Variants in SEMA3D observed in about 807,000 individuals in gnomAD.
SEMA3D encodes semaphorin-3D.
SEMA3D carries 84 observed loss-of-function variants against 100.1 expected under a neutral mutation model. The observed-to-expected ratio is 0.84, with a 90% CI of 0.70 to 1.01. SEMA3D has a LOEUF of 1.01. SEMA3D is among the 50% of genes least tolerant of loss of function. The pLI, the probability that SEMA3D is intolerant of heterozygous loss-of-function variation, is 0.00. For missense variants in SEMA3D, 875 were observed against 934.1 expected, an observed-to-expected ratio of 0.94 and a Z score of 0.82; for synonymous variants, 312 against 320.7, an observed-to-expected ratio of 0.97 and a Z score of 0.29.
the SEMA3D span, among the ~76,000 whole-genome samples, chr7:85,222,977 CA>C: frequency 5.3e-5 from 8 of 151,990 alleles, no homozygotes; most frequent in Non-Finnish European, 1.0e-4. Flanking sequence ...GTAATCCCAT[CA>C]AAAAGTGGGC....
chr7:85,207,336 C>T, the SEMA3D span, among the ~76,000 whole-genome samples: 12 of 152,136 alleles, frequency 7.9e-5, no homozygotes, highest in Admixed American at 2.0e-4. Context: ...TACCAATTTT[C>T]ATACATTGAC....
intron 2 of SEMA3D, among the ~76,000 whole-genome samples, chr7:85,135,305 T>C (rs1789826867): frequency 6.6e-6 from 1 of 152,132 alleles, no homozygotes; most frequent in Non-Finnish European, 1.5e-5. Flanking sequence ...TATTATAGAC[T>C]AGGAGAGTTC....
Position 85,012,685 on chromosome 7 carries a change from C to T in SEMA3D, c.1768+97G>A, listed in dbSNP as rs1197299826. 41 of 894,664 alleles carry T rather than the reference C, an allele frequency of 4.6e-5. 1 individual carries two copies. Among genetic ancestry groups the T allele is most frequent in the South Asian group, 3.5e-4 (23 of 65,902 alleles). 55.4% of individuals were successfully genotyped at this position (894,664 alleles called of 1,614,324 possible). On this transcript the variant is annotated intron_variant, in intron 17 of 18. Coordinates refer to ENST00000284136, the MANE Select transcript of SEMA3D (RefSeq NM_001384900.1). ...ATGCATTACACAAAATGGAGATATT[C>T]TTATATAATAGATGGTTTAAGTCAT...
Position 85,026,731 on chromosome 7 carries a change from T to TA in SEMA3D, c.1192-4119dup, listed in dbSNP as rs372081775. The stretch of plus-strand genomic sequence containing the variant: ...TAATGGGATCAGCATAGTTTACAAT[T>TA]AAAATCTAATGTATGAGGTTAAGAA... On this transcript the variant is annotated intron_variant, in intron 12 of 18. Coordinates refer to ENST00000284136, the MANE Select transcript of SEMA3D (RefSeq NM_001384900.1). Among the ~76,000 whole-genome samples, 1,036 of 152,154 alleles carry TA rather than the reference T, an allele frequency of 6.8e-3. 12 individuals are homozygous for TA. The highest frequency in any genetic ancestry group is 0.024 in the African/African-American group (986 of 41,544).
chr7:85,005,274 A>C (rs1161329805), intron 18 of SEMA3D, among the ~76,000 whole-genome samples: 1 of 151,930 alleles, frequency 6.6e-6, no homozygotes, highest in East Asian at 1.9e-4. Context: ...TATTTCTTGG[A>C]TAGTAAATAA....
At chr7:85,079,984 C>T (rs1788006447) in intron 5 of SEMA3D, among the ~76,000 whole-genome samples, 1 of 152,150 alleles carries the variant, frequency 6.6e-6, no homozygotes, top group South Asian at 2.1e-4. Flanking sequence ...GAATACATTA[C>T]AGAATAGTTT....
chr7:85,068,190 CCT>C lies in SEMA3D; in HGVS notation c.588_589del (p.Asp197Ter). On this transcript the variant is annotated frameshift_variant and splice_region_variant, in exon 7 of 19. Transcript: ENST00000284136. LOFTEE classifies it high-confidence loss of function. ...TAAGAACTGCCTGTCATTGATCTTA[CCT>C]GTCATTACTGAAGCAAAAGGCTGCT... 6.4e-7 allele frequency: 1 copy of C among 1,560,594 alleles called. No individual in the cohort carries two copies. The highest frequency in any genetic ancestry group is 2.2e-5 in the East Asian group (1 of 44,552).
chr7:85,179,311 T>C (rs1229595666), intron 1 of SEMA3D, among the ~76,000 whole-genome samples: 4 of 152,116 alleles, frequency 2.6e-5, no homozygotes, highest in African/African-American at 7.2e-5. Context: ...AGACACTCAA[T>C]GCTGACCTGT....
the SEMA3D span, among the ~76,000 whole-genome samples, chr7:85,247,265 A>C: frequency 6.6e-6 from 1 of 152,114 alleles, no homozygotes; most frequent in African/African-American, 2.4e-5. Flanking sequence ...AAATCCACAC[A>C]CAGAAACATT....
intron 2 of SEMA3D, among the ~76,000 whole-genome samples, chr7:85,132,543 G>A (rs2116438097): frequency 6.6e-6 from 1 of 151,792 alleles, no homozygotes; most frequent in Middle Eastern, 3.4e-3. Context: ...TAATATTTCT[G>A]GTGGTTCTAA....
intron 9 of SEMA3D, among the ~76,000 whole-genome samples, chr7:85,042,575 C>G (rs1197970277): frequency 6.6e-6 from 1 of 151,564 alleles, no homozygotes; most frequent in Admixed American, 6.6e-5. Flanking sequence ...TCCCACCTGC[C>G]AATTTTTTGC....
In SEMA3D at chr7:85,173,298, A is replaced by C. The variant is rs151030079; in HGVS notation, c.-173+13380T>G. Among the ~76,000 whole-genome samples the C allele has an allele frequency of 4.1e-4, 62 of 152,178 alleles. No homozygotes were observed. In the East Asian group the frequency reaches 0.012, roughly 28 times the overall value. Reference sequence around the variant, plus strand: ...GGAAATAAGTCTGGGAATTCAGAGGAGGGTGTTTAAGGCTTTTACTACTTG... The same window carrying C: ...GGAAATAAGTCTGGGAATTCAGAGGCGGGTGTTTAAGGCTTTTACTACTTG... On this transcript the variant is annotated intron_variant, in intron 1 of 18. Coordinates refer to ENST00000284136, the MANE Select transcript of SEMA3D (RefSeq NM_001384900.1).
At chr7:85,051,750 A>T (rs904922306) in intron 9 of SEMA3D, among the ~76,000 whole-genome samples, 4 of 151,758 alleles carry the variant, frequency 2.6e-5, no homozygotes, top group South Asian at 2.1e-4. Flanking sequence ...TGTGCTCATA[A>T]TTTTTTTTGT....
chr7:85,085,684 C>T (rs935587307), intron 4 of SEMA3D, among the ~76,000 whole-genome samples: 43 of 152,040 alleles, frequency 2.8e-4, no homozygotes, highest in African/African-American at 8.9e-4. Context: ...CACTGTGGAG[C>T]GCTTACTGGC....
the SEMA3D span, among the ~76,000 whole-genome samples, chr7:85,239,911 G>T: frequency 6.6e-6 from 1 of 152,216 alleles, no homozygotes; most frequent in Non-Finnish European, 1.5e-5. Context: ...TTTTCCAGAA[G>T]TTATTTTCTG....
At chr7:85,151,728 T>C (rs1790427565) in intron 2 of SEMA3D, 4 of 959,630 alleles carry the variant, frequency 4.2e-6, no homozygotes, top group Non-Finnish European at 5.0e-6. Context: ...TTTGTGGTAA[T>C]ATTTTCTGTT....
chr7:85,034,699 A>G (rs1441600607), intron 12 of SEMA3D, among the ~76,000 whole-genome samples: 1 of 152,136 alleles, frequency 6.6e-6, no homozygotes, highest in East Asian at 1.9e-4. Context: ...CGAATGGCCA[A>G]TGGGTACATG....
At chr7:85,074,317 T>C (rs891451100) in intron 5 of SEMA3D, among the ~76,000 whole-genome samples, 1 of 152,034 alleles carries the variant, frequency 6.6e-6, no homozygotes, top group Non-Finnish European at 1.5e-5. Flanking sequence ...GCTGTTGGGG[T>C]TCCTAGGAGG....
the SEMA3D span, among the ~76,000 whole-genome samples, chr7:85,219,252 A>G: frequency 6.6e-6 from 1 of 152,074 alleles, no homozygotes; most frequent in African/African-American, 2.4e-5. Context: ...AAGTAAAGAA[A>G]AAGAAATAAA....
Sources: gnomAD v4.1 joint callset for allele counts (sites outside exome capture counted in the v4.1 genomes callset) on GRCh38, gnomAD v4.1.1 for gene constraint, MANE v1.5 for transcripts, NCBI Gene and HGNC (gene_info 2026-07-23, HGNC 2026-07-21) for gene names.